The following OTOGL variants were observed in gnomAD, a reference collection of about 807,000 sequenced individuals.
OTOGL encodes otogelin like, also known as otogelin-like protein.
Under a neutral mutation model 318.5 loss-of-function variants are expected in OTOGL, and 285 were observed. That is an observed-to-expected ratio of 0.89 (90% CI 0.81 to 0.99). The LOEUF (loss-of-function observed/expected upper bound fraction) is 0.99, where lower values mean the gene tolerates loss of function less well. Among genes scored for constraint, OTOGL ranks in the 50% least tolerant of loss-of-function variants. The probability of loss-of-function intolerance (pLI) is 0.00; values close to 1 mark genes in which losing one functional copy is unlikely to be tolerated. For synonymous variants in OTOGL, 987 were observed against 936.5 expected, an observed-to-expected ratio of 1.05 and a Z score of -0.99; for missense variants, 2,899 against 2,845.6, an observed-to-expected ratio of 1.02 and a Z score of -0.43.
rs756189814 is a variant in OTOGL at position 80,209,422 on chromosome 12, C to T, written c.-10C>T. ...TTTGGTTACATTTCAGGGGGAAAGGCTACACTGAAATGAACATTGTAAGAA... is the reference window on the plus strand; with the variant it reads ...TTTGGTTACATTTCAGGGGGAAAGGTTACACTGAAATGAACATTGTAAGAA... On this transcript the variant is annotated 5_prime_UTR_variant, in exon 2 of 59. Coordinates refer to ENST00000547103, the MANE Select transcript of OTOGL (RefSeq NM_001378609.3). 46 of 1,472,192 alleles carry T rather than the reference C, an allele frequency of 3.1e-5. No individual in the cohort carries two copies. The highest frequency in any genetic ancestry group is 5.0e-5 in the East Asian group (2 of 40,146). 91.2% of individuals were successfully genotyped at this position (1,472,192 alleles called of 1,614,324 possible). A position where few individuals can be genotyped will look rare whatever the true frequency, so the allele number is the denominator to read the frequency against.
At chr12:80,367,448 T>C (rs771113835) in intron 53 of OTOGL, 113 bp from the exon 54 acceptor site, 93 of 746,912 alleles carry the variant, frequency 1.2e-4, no homozygotes, top group Middle Eastern at 1.2e-3. Context: ...TTCATTAGTT[T>C]TGAAAAATTG....
At chr12:80,107,942 A>G (rs1474594897) in intron 1 of OTOGL, among the ~76,000 whole-genome samples, 1 of 152,000 alleles carries the variant, frequency 6.6e-6, no homozygotes, top group Non-Finnish European at 1.5e-5. Context: ...ACTGGGGCCT[A>G]TTTGAGAGTG....
chr12:80,187,983 T>G (rs1875411796), intron 1 of OTOGL, among the ~76,000 whole-genome samples: 1 of 152,222 alleles, frequency 6.6e-6, no homozygotes, highest in Admixed American at 6.5e-5. Flanking sequence ...TACTGCCATG[T>G]GCTCTAAATT....
chr12:80,254,550 G>T lies in OTOGL; in HGVS notation c.1421G>T (p.Cys474Phe), dbSNP rs927558813. Residue 474 changes from cysteine to phenylalanine, a missense_variant, in exon 15 of 59, where the codon TGC becomes TTC. Cys to Phe is a radical substitution (Grantham distance 205, BLOSUM62 -2). This residue lies in a region of OTOGL where 2,607 missense variants were observed against 2,524.9 expected (regional missense o/e 1.03). Transcript: ENST00000547103. ...GTGTGTGTTGGTGGAGTTTGGAACT[G>T]CACTGAGCAAGACTGTCCAGGTAAT... is the stretch of plus-strand genomic sequence containing the variant. ...ECVCVGGVWN[C>F]TEQDCPVQCS... The T allele has an allele frequency of 6.2e-7, 1 of 1,608,356 alleles. No homozygotes were observed. The highest frequency in any genetic ancestry group is 8.5e-7 in the Non-Finnish European group (1 of 1,176,056).
intron 33 of OTOGL, among the ~76,000 whole-genome samples, chr12:80,319,129 A>G (rs745322557): frequency 2.6e-5 from 4 of 152,188 alleles, no homozygotes; most frequent in Admixed American, 6.5e-5. Context: ...CAGAGTGTAG[A>G]CAGTCATTGT....
At chr12:80,295,886 G>T (rs1338495062) in intron 26 of OTOGL, among the ~76,000 whole-genome samples, 1 of 152,116 alleles carries the variant, frequency 6.6e-6, no homozygotes, top group East Asian at 1.9e-4. Context: ...GGAACCAGAT[G>T]TAAACAATAT....
chr12:80,231,445 G>T (rs1879350252), intron 8 of OTOGL, among the ~76,000 whole-genome samples: 1 of 152,034 alleles, frequency 6.6e-6, no homozygotes, highest in Admixed American at 6.5e-5. Context: ...TTTCTTTGGG[G>T]ATTATCCCTT....
At chr12:80,365,600 C>T (rs774136923) in intron 52 of OTOGL, among the ~76,000 whole-genome samples, 3 of 151,992 alleles carry the variant, frequency 2.0e-5, no homozygotes, top group South Asian at 2.1e-4. Context: ...TGGAAGAATT[C>T]GATTTATTAT....
intron 37 of OTOGL, among the ~76,000 whole-genome samples, chr12:80,332,299 G>A (rs764300877): frequency 3.0e-4 from 45 of 152,290 alleles, no homozygotes; most frequent in Middle Eastern, 6.8e-3. Flanking sequence ...CATTACAGCA[G>A]CAATAGGAAA....
intron 52 of OTOGL, among the ~76,000 whole-genome samples, chr12:80,364,226 G>C (rs1890396900): frequency 6.6e-6 from 1 of 151,942 alleles, no homozygotes; most frequent in African/African-American, 2.4e-5. Flanking sequence ...AACATTCGTG[G>C]CTTTACACAA....
In OTOGL at chr12:80,181,244, T is replaced by C. The variant is rs531762042; in HGVS notation, c.-19-28169T>C. ...ATTATTTTAGTTTGGGGCTTCAATTTCCAATTGGGTCCAATTGTGGGCCTG... is the reference window on the plus strand; with the variant it reads ...ATTATTTTAGTTTGGGGCTTCAATTCCCAATTGGGTCCAATTGTGGGCCTG... On this transcript the variant is annotated intron_variant, in intron 1 of 58. Coordinates refer to ENST00000547103, the MANE Select transcript of OTOGL (RefSeq NM_001378609.3). 5.3e-5 allele frequency among the ~76,000 whole-genome samples: 8 copies of C among 152,292 alleles called. 1 individual carries two copies. The highest frequency in any genetic ancestry group is 1.9e-4 in the African/African-American group (8 of 41,554).
chr12:80,293,831 C>A (rs1885208132), intron 26 of OTOGL, among the ~76,000 whole-genome samples: 1 of 152,058 alleles, frequency 6.6e-6, no homozygotes, highest in Admixed American at 6.6e-5. Flanking sequence ...TCCCTTTGCC[C>A]ATAAATGAAT....
intron 1 of OTOGL, among the ~76,000 whole-genome samples, chr12:80,201,616 C>A (rs1344204135): frequency 2.0e-5 from 3 of 152,124 alleles, no homozygotes; most frequent in African/African-American, 7.2e-5. Flanking sequence ...TTAGAGTCCT[C>A]TCCACATGTT....
chr12:80,211,934 T>C lies in OTOGL; in HGVS notation c.120-15T>C, dbSNP rs1395783688. 1 of 1,553,992 alleles carries C rather than the reference T, an allele frequency of 6.4e-7. No homozygotes were observed. The highest frequency in any genetic ancestry group is 8.7e-7 in the Non-Finnish European group (1 of 1,155,262). On this transcript the variant is annotated splice_polypyrimidine_tract_variant and intron_variant, in intron 3 of 58. Transcript: ENST00000547103. ...GGGGCCTTTGACTGTACAAGTTCTTTTTGTTTTCTTCCAGAAACGGGTTTA... is the reference window on the plus strand; with the variant it reads ...GGGGCCTTTGACTGTACAAGTTCTTCTTGTTTTCTTCCAGAAACGGGTTTA...
chr12:80,120,561 C>T (rs1870428585), intron 1 of OTOGL, among the ~76,000 whole-genome samples: 1 of 152,082 alleles, frequency 6.6e-6, no homozygotes, highest in Admixed American at 6.6e-5. Context: ...CCTAAGGATT[C>T]TCTCTCATTG....
intron 4 of OTOGL, among the ~76,000 whole-genome samples, chr12:80,212,892 T>C (rs1239165729): frequency 6.8e-6 from 1 of 147,316 alleles, no homozygotes; most frequent in Non-Finnish European, 1.5e-5. Flanking sequence ...GATTTATTCT[T>C]ATCAAGAGTA....
intron 33 of OTOGL, 74 bp from the exon 34 acceptor site, chr12:80,320,348 A>G (rs1392607744): frequency 4.2e-6 from 6 of 1,413,440 alleles, no homozygotes; most frequent in African/African-American, 1.4e-5. Context: ...TGTTTACTTT[A>G]TAAGTACATT....
chr12:80,313,819 G>A (rs1276855543), intron 31 of OTOGL, among the ~76,000 whole-genome samples, 187 bp downstream of exon 31: 1 of 152,026 alleles, frequency 6.6e-6, no homozygotes, highest in Non-Finnish European at 1.5e-5. Context: ...AAAATAAATT[G>A]TGAGATAATA....
At chr12:80,205,471 A>G (rs941922989) in intron 1 of OTOGL, among the ~76,000 whole-genome samples, 7 of 152,236 alleles carry the variant, frequency 4.6e-5, no homozygotes, top group Admixed American at 4.6e-4. Flanking sequence ...TCATATCCTT[A>G]CTCAGAAAAG....
Sources: gnomAD v4.1 joint callset for allele counts (sites outside exome capture counted in the v4.1 genomes callset) on GRCh38, gnomAD v4.1.1 for gene constraint, gnomAD v4.1.1 regional missense constraint, MANE v1.5 for transcripts, NCBI Gene and HGNC (gene_info 2026-07-23, HGNC 2026-07-21) for gene names.